Variants in AKAIN1 observed in about 807,000 individuals in gnomAD.
The protein encoded by AKAIN1 is A-kinase anchor protein inhibitor 1.
In AKAIN1, 3 loss-of-function variants were observed where a neutral mutation model predicts 3.7. The ratio of observed to expected loss-of-function variants is 0.82; its 90% CI spans 0.37 to 2.12. AKAIN1 has a LOEUF of 2.12. Among genes scored for constraint, AKAIN1 ranks in the 30% most tolerant of loss-of-function variants. AKAIN1 has a pLI of 0.06. For missense variants in AKAIN1, 82 were observed against 82.7 expected, an observed-to-expected ratio of 0.99 and a Z score of 0.03; for synonymous variants, 31 against 30.8, an observed-to-expected ratio of 1.01 and a Z score of -0.02.
At chr18:5,184,405 T>C (rs1409666166) in intron 1 of AKAIN1, among the ~76,000 whole-genome samples, 1 of 152,058 alleles carries the variant, frequency 6.6e-6, no homozygotes, top group Non-Finnish European at 1.5e-5. Flanking sequence ...TCAAACTCTG[T>C]CTGTTTGCAG....
chr18:5,192,825 G>A (rs759698029), intron 1 of AKAIN1, among the ~76,000 whole-genome samples: 3 of 151,958 alleles, frequency 2.0e-5, no homozygotes, highest in Non-Finnish European at 4.4e-5. Context: ...GACTACAAAG[G>A]GGTAGCACAA....
chr18:5,158,186 A>G (rs1381404783), intron 1 of AKAIN1, among the ~76,000 whole-genome samples: 1 of 152,190 alleles, frequency 6.6e-6, no homozygotes, highest in Non-Finnish European at 1.5e-5. Flanking sequence ...GTATGGTTCA[A>G]TGAGTGGCTG....
intron 1 of AKAIN1, among the ~76,000 whole-genome samples, chr18:5,177,942 T>C (rs551747634): frequency 7.2e-5 from 11 of 152,252 alleles, no homozygotes; most frequent in African/African-American, 2.6e-4. Flanking sequence ...GAGGAATTCC[T>C]GAGCATAAAT....
chr18:5,177,852 T>C lies in AKAIN1; in HGVS notation c.16+19186A>G, dbSNP rs61011341. Among the ~76,000 whole-genome samples the C allele has an allele frequency of 2.0e-3, 311 of 152,256 alleles. 2 individuals carry two copies. Among genetic ancestry groups the C allele is most frequent in the African/African-American group, 7.1e-3 (296 of 41,568 alleles). ...TAAGAACACTGCCCCTATTTCTTCA[T>C]TTGACCTGGATGATTGTCTGAAGGA... On this transcript the variant is annotated intron_variant, in intron 1 of 1. Coordinates refer to ENST00000434239, the MANE Select transcript of AKAIN1 (RefSeq NM_001145194.2).
chr18:5,150,157 C>G (rs2143309838), intron 1 of AKAIN1, among the ~76,000 whole-genome samples: 1 of 152,344 alleles, frequency 6.6e-6, no homozygotes, highest in South Asian at 2.1e-4. Context: ...AGGTTAGTCT[C>G]TGTGCGGCAT....
intron 1 of AKAIN1, among the ~76,000 whole-genome samples, chr18:5,164,832 G>A (rs1434952747): frequency 6.6e-6 from 1 of 151,998 alleles, no homozygotes; most frequent in Admixed American, 6.6e-5. Flanking sequence ...ATAAATTGGT[G>A]CAGACAATGC....
intron 1 of AKAIN1, among the ~76,000 whole-genome samples, chr18:5,166,446 C>T (rs1244355471): frequency 1.3e-5 from 2 of 151,998 alleles, no homozygotes; most frequent in Non-Finnish European, 2.9e-5. Flanking sequence ...CCCATATAGA[C>T]ACACGGACCA....
intron 1 of AKAIN1, among the ~76,000 whole-genome samples, chr18:5,168,695 T>C (rs1464251104): frequency 6.6e-6 from 1 of 151,920 alleles, no homozygotes; most frequent in Non-Finnish European, 1.5e-5. Flanking sequence ...GACCAGGTAA[T>C]ATCATCCCTT....
chr18:5,186,419 T>C (rs1598316118), intron 1 of AKAIN1, among the ~76,000 whole-genome samples: 1 of 152,026 alleles, frequency 6.6e-6, no homozygotes, highest in Non-Finnish European at 1.5e-5. Context: ...CTAAATAACA[T>C]TCAGAATGAG....
intron 1 of AKAIN1, among the ~76,000 whole-genome samples, chr18:5,156,613 G>T (rs2071109983): frequency 6.6e-6 from 1 of 152,190 alleles, no homozygotes. Flanking sequence ...AAGAGGCTAT[G>T]AATTCAGTAA....
rs1295502841 is a variant in AKAIN1 at position 5,145,080 on chromosome 18, A to G, written c.*482T>C. ...TTTCTTAATTTGATCTTAGACCTGAACCCACTTAAAGCCTTCAATTTCACA... is the reference window on the plus strand; with the variant it reads ...TTTCTTAATTTGATCTTAGACCTGAGCCCACTTAAAGCCTTCAATTTCACA... On this transcript the variant is annotated 3_prime_UTR_variant, in exon 2 of 2. Transcript: ENST00000434239. 6.6e-6 allele frequency among the ~76,000 whole-genome samples: 1 copy of G among 152,156 alleles called. No individual in the cohort carries two copies. Among genetic ancestry groups the G allele is most frequent in the Non-Finnish European group, 1.5e-5 (1 of 68,038 alleles).
At chr18:5,156,098 G>A (rs897094717) in intron 1 of AKAIN1, among the ~76,000 whole-genome samples, 6 of 152,102 alleles carry the variant, frequency 3.9e-5, no homozygotes, top group African/African-American at 1.2e-4. Context: ...ACTCAGATAA[G>A]AATTACTGGA....
At chr18:5,164,441 C>A (rs1407280128) in intron 1 of AKAIN1, among the ~76,000 whole-genome samples, 2 of 152,016 alleles carry the variant, frequency 1.3e-5, no homozygotes, top group Non-Finnish European at 2.9e-5. Flanking sequence ...GCTTCATTCA[C>A]TGGAAAATAA....
At chr18:5,158,790 G>A (rs1365813668) in intron 1 of AKAIN1, among the ~76,000 whole-genome samples, 1 of 152,176 alleles carries the variant, frequency 6.6e-6, no homozygotes, top group Non-Finnish European at 1.5e-5. Context: ...ATGAGCCTGT[G>A]CCGAGAAAGC....
chr18:5,152,378 C>T (rs2071084994), intron 1 of AKAIN1, among the ~76,000 whole-genome samples: 1 of 152,206 alleles, frequency 6.6e-6, no homozygotes, highest in Non-Finnish European at 1.5e-5. Context: ...TCTTCATCCT[C>T]CTGTCCCATG....
At chr18:5,181,133 A>G (rs1483324256) in intron 1 of AKAIN1, among the ~76,000 whole-genome samples, 1 of 151,934 alleles carries the variant, frequency 6.6e-6, no homozygotes, top group Non-Finnish European at 1.5e-5. Context: ...AAAAAAAAAA[A>G]AAGTAAAATT....
intron 1 of AKAIN1, among the ~76,000 whole-genome samples, chr18:5,169,894 G>T (rs999436112): frequency 4.6e-5 from 7 of 152,088 alleles, no homozygotes; most frequent in Non-Finnish European, 8.8e-5. Context: ...GATAGCTAAT[G>T]CCTGGTAGGT....
intron 1 of AKAIN1, among the ~76,000 whole-genome samples, chr18:5,181,939 C>A (rs2071260965): frequency 6.6e-6 from 1 of 152,012 alleles, no homozygotes; most frequent in Non-Finnish European, 1.5e-5. Context: ...TGCACTATAC[C>A]CTCACCAGAA....
intron 1 of AKAIN1, among the ~76,000 whole-genome samples, chr18:5,151,140 C>T (rs1458284110): frequency 6.6e-6 from 1 of 152,152 alleles, no homozygotes; most frequent in Non-Finnish European, 1.5e-5. Context: ...CCTGCACACA[C>T]ACTGTAATAC....
Sources: allele counts gnomAD v4.1 joint callset (sites outside exome capture counted in the v4.1 genomes callset), GRCh38; gene constraint gnomAD v4.1.1; transcripts MANE v1.5; gene names NCBI Gene and HGNC (gene_info 2026-07-23, HGNC 2026-07-21).